PRH1: variants seen among roughly 807,000 people sequenced by gnomAD.
PRH1 encodes the protein proline rich protein HaeIII subfamily 1.
A neutral mutation model predicts 7.9 loss-of-function variants in PRH1; 7 were observed. That is an observed-to-expected ratio of 0.89 (90% confidence interval 0.50 to 1.67). PRH1 has a LOEUF of 1.67. Among genes scored for constraint, PRH1 ranks in the 40% most tolerant of loss-of-function variants. The pLI is 0.00. For missense variants in PRH1, 109 were observed against 223.6 expected, an observed-to-expected ratio of 0.49 and a Z score of 3.27; for synonymous variants, 45 against 80.8, an observed-to-expected ratio of 0.56 and a Z score of 2.38.
At chr12:10,904,134 GCT>G (rs948464052) in intron 2 of PRH1, among the ~76,000 whole-genome samples, 3 of 151,102 alleles carry the variant, frequency 2.0e-5, no homozygotes, top group African/African-American at 7.3e-5. Flanking sequence ...TTCCTATCAA[GCT>G]ACCAATGTCA....
chr12:11,116,281 C>A (rs927757744), downstream of PRH1, among the ~76,000 whole-genome samples: 4 of 151,812 alleles, frequency 2.6e-5, no homozygotes, highest in African/African-American at 9.7e-5. Context: ...AAATTGAAAT[C>A]TCTAAAAAAA....
chr12:11,004,670 T>C (rs1940747589), intron 1 of PRH1, among the ~76,000 whole-genome samples: 1 of 152,142 alleles, frequency 6.6e-6, no homozygotes, highest in Non-Finnish European at 1.5e-5. Flanking sequence ...TTTGTTCATA[T>C]TTCATTATTA....
chr12:10,985,808 G>T, intron 1 of PRH1: 1 of 818,352 alleles, frequency 1.2e-6, no homozygotes, highest in Non-Finnish European at 1.9e-6. Context: ...ACTTTTCTAG[G>T]TATGCTTTCA....
At chr12:10,997,889 A>T (rs541467901) in intron 1 of PRH1, 2 of 1,550,812 alleles carry the variant, frequency 1.3e-6, no homozygotes, top group Non-Finnish European at 1.7e-6. Context: ...TAAACAAAAA[A>T]GCAAGTAAAA....
At position 10,882,271 on chromosome 12, in the gene PRH1, G is replaced by T. The variant is rs778607395; in HGVS notation, c.528C>A (p.Arg176=). Reference sequence around the variant, plus strand: ...ACTGCCCCTGTGGAGGTCCTTGTGGGCGGCCCCCTTGGGGAGGTGGTCCCT... The same window carrying T: ...ACTGCCCCTGTGGAGGTCCTTGTGGTCGGCCCCCTTGGGGAGGTGGTCCCT... The part of the protein sequence containing the change: ...KPQGPPPQGG[R]PQGPPQGQSP... Residue 176 remains arginine, a synonymous_variant, in exon 3 of 4, where the codon CGC becomes CGA. Coordinates refer to ENST00000543626, the MANE Select transcript of PRH1 (RefSeq NM_001393989.1). The T allele has an allele frequency of 1.2e-6, 2 of 1,613,270 alleles. No individual in the cohort carries two copies. Among genetic ancestry groups the T allele is most frequent in the South Asian group, 1.1e-5 (1 of 90,980 alleles).
rs564062746 is a variant in PRH1, at chr12:10,890,821, G to A, written c.-58-6546C>T. ...GGGAAGGAAAGAGGAGGGGATGGGA[G>A]GGGAGGGGAGGGTTGGCTTTTTTTT... On this transcript the variant is annotated intron_variant, in intron 2 of 3. Coordinates refer to the PRH1 transcript ENST00000539853. Among the ~76,000 whole-genome samples, 268 of 151,560 alleles carry A rather than the reference G, an allele frequency of 1.8e-3. 1 individual carries two copies. The highest frequency in any genetic ancestry group is 2.9e-3 in the South Asian group (14 of 4,772).
chr12:10,970,813 C>CA (rs1938777038), intron 2 of PRH1, among the ~76,000 whole-genome samples: 3 of 141,008 alleles, frequency 2.1e-5, no homozygotes, highest in Admixed American at 2.1e-4. Context: ...GTGATCCACC[C>CA]GCTCAGCCAC....
At chr12:11,125,041 C>G (rs1946063875) in intron 1 of PRH1, among the ~76,000 whole-genome samples, 1 of 152,150 alleles carries the variant, frequency 6.6e-6, no homozygotes, top group African/African-American at 2.4e-5. Flanking sequence ...TGGGTTTTCA[C>G]TATATTGGCC....
intron 1 of PRH1, among the ~76,000 whole-genome samples, chr12:11,056,468 G>A (rs1005300810): frequency 4.6e-5 from 7 of 152,116 alleles, no homozygotes; most frequent in African/African-American, 1.7e-4. Context: ...CAGATTCCCT[G>A]CTTGGTATAG....
intron 1 of PRH1, among the ~76,000 whole-genome samples, chr12:11,086,585 C>A (rs1288156237): frequency 2.0e-5 from 3 of 151,640 alleles, no homozygotes; most frequent in Middle Eastern, 3.2e-3. Flanking sequence ...CTCCATTTTA[C>A]AACTACTGCC....
At chr12:10,978,507 A>T (rs977385636) in intron 1 of PRH1, among the ~76,000 whole-genome samples, 1 of 152,230 alleles carries the variant, frequency 6.6e-6, no homozygotes, top group Non-Finnish European at 1.5e-5. Flanking sequence ...TTCTGGACAT[A>T]GGACCTGGCA....
At chr12:10,969,502 ACATAGTATTT>A (rs1177018915) in intron 2 of PRH1, among the ~76,000 whole-genome samples, 1 of 152,198 alleles carries the variant, frequency 6.6e-6, no homozygotes, top group African/African-American at 2.4e-5. Context: ...TATCACCTTC[ACATAGTATTT>A]CATCAATGAC....
chr12:10,988,168 C>T (rs1184774123), intron 1 of PRH1, among the ~76,000 whole-genome samples: 1 of 152,090 alleles, frequency 6.6e-6, no homozygotes, highest in East Asian at 1.9e-4. Context: ...AGCTATCCAC[C>T]AAACCCAGCT....
At chr12:11,038,489 G>C (rs1402837019) in intron 1 of PRH1, among the ~76,000 whole-genome samples, 4 of 152,208 alleles carry the variant, frequency 2.6e-5, no homozygotes, top group Non-Finnish European at 5.9e-5. Flanking sequence ...CAAACTTTAT[G>C]TAAATGAGAT....
intron 1 of PRH1, chr12:11,133,188 T>G: frequency 6.8e-7 from 1 of 1,464,326 alleles, no homozygotes; most frequent in Non-Finnish European, 9.1e-7. Flanking sequence ...GTAAAAGACT[T>G]TTCTAGGTAT....
chr12:10,929,436 CAGAT>C (rs749615228), intron 2 of PRH1: 160 of 1,450,660 alleles, frequency 1.1e-4, no homozygotes, highest in Non-Finnish European at 1.5e-4. Context: ...GATGAGAAAA[CAGAT>C]AGGACTGAAG....
chr12:11,121,016 T>G (rs1385874429), exon 2 of PRH1: 2 of 154,320 alleles, frequency 1.3e-5, no homozygotes, highest in Non-Finnish European at 2.9e-5. Context: ...ATACCTCATA[T>G]GAACAGATGC....
rs1323871005 is a variant in PRH1, at chr12:11,139,096, TCTC to T, written n.40-17919_40-17917del. ...ATTTCTTAGTACCATAATGCTCTAT[TCTC>T]CTTTATTCAGCAAAAACTCTAATTA... On this transcript the variant is annotated intron_variant and non_coding_transcript_variant, in intron 1 of 1. Transcript: ENST00000541175. Among the ~76,000 whole-genome samples, 7 of 152,264 alleles carry T rather than the reference TCTC, an allele frequency of 4.6e-5. No homozygotes were observed. The South Asian group carries it at 1.5e-3, about 32-fold the overall frequency.
intron 1 of PRH1, chr12:11,166,490 T>C (rs983686309): frequency 6.6e-6 from 1 of 152,126 alleles, no homozygotes; most frequent in African/African-American, 2.4e-5. Flanking sequence ...AATATCAGAG[T>C]AGGGTCCAGG....
Sources: gnomAD v4.1 joint callset for allele counts (sites outside exome capture counted in the v4.1 genomes callset) on GRCh38, gnomAD v4.1.1 for gene constraint, MANE v1.5 for transcripts, NCBI Gene and HGNC (gene_info 2026-07-23, HGNC 2026-07-21) for gene names.